XXYLT1: variants seen among roughly 807,000 people sequenced by gnomAD.
XXYLT1 encodes UDP-xylose:alpha-xyloside alpha-1,3-xylosyltransferase.
In XXYLT1, 20 loss-of-function variants were observed where a neutral mutation model predicts 28.9. The observed-to-expected ratio is 0.69, with a 90% confidence interval of 0.49 to 1.00. The LOEUF (loss-of-function observed/expected upper bound fraction) is 1.00. Ranked by LOEUF, XXYLT1 falls within the 50% of genes least tolerant of loss-of-function variation. XXYLT1 has a pLI of 0.00. For synonymous variants in XXYLT1, 257 were observed against 253.8 expected, an observed-to-expected ratio of 1.01 and a Z score of -0.12; for missense variants, 542 against 560.1, an observed-to-expected ratio of 0.97 and a Z score of 0.33.
At chr3:195,199,461 A>C (rs1420916025) in intron 2 of XXYLT1, among the ~76,000 whole-genome samples, 1 of 152,046 alleles carries the variant, frequency 6.6e-6, no homozygotes, top group Non-Finnish European at 1.5e-5. Context: ...AATACAAAAA[A>C]TTAGCCAGGC....
intron 1 of XXYLT1, among the ~76,000 whole-genome samples, chr3:195,238,542 T>C (rs1724649121): frequency 1.3e-5 from 2 of 152,224 alleles, no homozygotes; most frequent in Admixed American, 6.5e-5. Flanking sequence ...ACAGGTTTGC[T>C]AAACTAAGTG....
At chr3:195,246,702 C>T (rs540235909) in intron 1 of XXYLT1, among the ~76,000 whole-genome samples, 46 of 152,336 alleles carry the variant, frequency 3.0e-4, no homozygotes, top group East Asian at 3.9e-4. Flanking sequence ...GGGGTCTGTG[C>T]TATCCTCTGG....
intron 3 of XXYLT1, among the ~76,000 whole-genome samples, chr3:195,083,786 G>A (rs576646204): frequency 6.6e-6 from 1 of 152,322 alleles, no homozygotes; most frequent in African/African-American, 2.4e-5. Flanking sequence ...AGCACTTTGG[G>A]AGGCCGAGGA....
rs558802305 is a variant in XXYLT1, at chr3:195,131,465, G to A, written c.785+24984C>T. On this transcript the variant is annotated intron_variant, in intron 3 of 3. Coordinates refer to ENST00000310380, the MANE Select transcript of XXYLT1 (RefSeq NM_152531.5). ...CTATAGCACAGCTATTTCTGCAACT[G>A]CAGCAAAGTGCACCACAAATCAGCA... Among the ~76,000 whole-genome samples, 35 of 152,356 alleles carry A rather than the reference G, an allele frequency of 2.3e-4. 1 individual carries two copies. In the South Asian group the frequency reaches 7.0e-3, roughly 31 times the overall value.
intron 3 of XXYLT1, among the ~76,000 whole-genome samples, chr3:195,097,531 T>C (rs765279028): frequency 1.3e-5 from 2 of 152,236 alleles, no homozygotes; most frequent in Non-Finnish European, 2.9e-5. Context: ...GTTATTATCA[T>C]GATCCCCACT....
chr3:195,182,999 T>C (rs1172132611), intron 2 of XXYLT1, among the ~76,000 whole-genome samples: 2 of 152,234 alleles, frequency 1.3e-5, no homozygotes, highest in African/African-American at 4.8e-5. Context: ...TCTCCTTTCT[T>C]TTCTATAAAG....
At chr3:195,186,369 C>T (rs1722196659) in intron 2 of XXYLT1, among the ~76,000 whole-genome samples, 1 of 152,216 alleles carries the variant, frequency 6.6e-6, no homozygotes, top group South Asian at 2.1e-4. Flanking sequence ...GCAAATCCCA[C>T]TGTCCCCAGG....
intron 2 of XXYLT1, chr3:195,175,838 T>C: frequency 1.4e-6 from 2 of 1,413,686 alleles, no homozygotes; most frequent in South Asian, 3.1e-5. Context: ...GAGTCACTGC[T>C]TAAAAGGAAG....
chr3:195,245,776 G>A (rs1451114850), intron 1 of XXYLT1, among the ~76,000 whole-genome samples: 1 of 152,126 alleles, frequency 6.6e-6, no homozygotes, highest in Non-Finnish European at 1.5e-5. Context: ...GGCGGTTCAC[G>A]GCAGATCTGG....
chr3:195,193,318 TAA>T (rs1722500182), intron 2 of XXYLT1, among the ~76,000 whole-genome samples: 1 of 146,666 alleles, frequency 6.8e-6, no homozygotes, highest in South Asian at 2.1e-4. Flanking sequence ...CCTAAAATAA[TAA>T]AATACTTAGG....
chr3:195,179,902 T>C (rs1309135449), intron 2 of XXYLT1, among the ~76,000 whole-genome samples: 2 of 152,210 alleles, frequency 1.3e-5, no homozygotes, highest in Admixed American at 6.5e-5. Context: ...CTGTGACTGA[T>C]GCGTGGGCCC....
intron 3 of XXYLT1, among the ~76,000 whole-genome samples, chr3:195,103,302 C>G (rs1049120598): frequency 6.6e-6 from 1 of 152,036 alleles, no homozygotes; most frequent in Non-Finnish European, 1.5e-5. Context: ...AGGAATGCAC[C>G]CCCACACCAG....
chr3:195,262,703 T>C (rs1458952378), intron 1 of XXYLT1, among the ~76,000 whole-genome samples: 4 of 152,212 alleles, frequency 2.6e-5, no homozygotes, highest in South Asian at 2.1e-4. Context: ...TTTCAACACA[T>C]ACTTGCGGGC....
intron 3 of XXYLT1, among the ~76,000 whole-genome samples, chr3:195,155,034 G>A (rs990127489): frequency 5.3e-5 from 8 of 152,232 alleles, no homozygotes; most frequent in Middle Eastern, 3.4e-3. Flanking sequence ...CTCTCAAGTC[G>A]CCAACCCCTG....
chr3:195,213,222 GT>G (rs547909416), intron 2 of XXYLT1, among the ~76,000 whole-genome samples: 71 of 150,134 alleles, frequency 4.7e-4, no homozygotes, highest in African/African-American at 1.7e-3. Flanking sequence ...CTACACAAGT[GT>G]TATTTATTAC....
chr3:195,217,035 C>A lies in XXYLT1; in HGVS notation c.652+9674G>T, dbSNP rs1470228439. 2.9e-5 allele frequency among the ~76,000 whole-genome samples: 4 copies of A among 135,828 alleles called. 1 individual carries two copies. Among genetic ancestry groups the A allele is most frequent in the African/African-American group, 1.4e-4 (4 of 29,484 alleles). 89.1% of individuals were successfully genotyped at this position (135,828 alleles called of 152,430 possible). ...ACGCAAATCAATAAATGTAATCCAG[C>A]ATGTAAACAGAGCCAAAGACAAAAA... On this transcript the variant is annotated intron_variant, in intron 2 of 3. Transcript: ENST00000310380.
At chr3:195,144,441 A>G (rs1246424881) in intron 3 of XXYLT1, among the ~76,000 whole-genome samples, 2 of 151,908 alleles carry the variant, frequency 1.3e-5, no homozygotes, top group Non-Finnish European at 2.9e-5. Context: ...CAATGGTGCA[A>G]TCTCGGCTCA....
At chr3:195,072,679 C>T (rs1222332980) in intron 3 of XXYLT1, among the ~76,000 whole-genome samples, 2 of 152,254 alleles carry the variant, frequency 1.3e-5, no homozygotes, top group African/African-American at 2.4e-5. Context: ...CAAGCTGCCC[C>T]GTGTGTGTGC....
At chr3:195,248,315 A>G (rs1725117578) in intron 1 of XXYLT1, among the ~76,000 whole-genome samples, 1 of 152,212 alleles carries the variant, frequency 6.6e-6, no homozygotes, top group African/African-American at 2.4e-5. Flanking sequence ...GTCTCTCCCC[A>G]AATCTCATCT....
Sources: gnomAD v4.1 joint callset for allele counts (sites outside exome capture counted in the v4.1 genomes callset) on GRCh38, gnomAD v4.1.1 for gene constraint, MANE v1.5 for transcripts, NCBI Gene and HGNC (gene_info 2026-07-23, HGNC 2026-07-21) for gene names.